The following GALNT5 variants were observed in gnomAD, a reference collection of about 807,000 sequenced individuals.
GALNT5 encodes polypeptide N-acetylgalactosaminyltransferase 5, also known as UDP-GalNAc:polypeptide N-acetylgalactosaminyltransferase 5.
In GALNT5, 72 loss-of-function variants were observed where a neutral mutation model predicts 85.4. The observed-to-expected ratio is 0.84, with a 90% confidence interval of 0.70 to 1.03. The LOEUF is 1.03. Among genes scored for constraint, GALNT5 ranks in the 50% least tolerant of loss-of-function variants. The pLI, the probability that GALNT5 is intolerant of heterozygous loss-of-function variation, is 0.00. For synonymous variants in GALNT5, 404 were observed against 397.0 expected, an observed-to-expected ratio of 1.02 and a Z score of -0.21; for missense variants, 1,137 against 1,135.5, an observed-to-expected ratio of 1.00 and a Z score of -0.02.
chr2:157,295,153 C>T (rs1683187397), intron 3 of GALNT5, among the ~76,000 whole-genome samples: 1 of 147,096 alleles, frequency 6.8e-6, no homozygotes, highest in African/African-American at 2.7e-5. Flanking sequence ...CAGTAACCTC[C>T]CATTCCCCAC....
intron 3 of GALNT5, among the ~76,000 whole-genome samples, chr2:157,290,460 G>A (rs1452307258): frequency 6.6e-6 from 1 of 152,108 alleles, no homozygotes; most frequent in Non-Finnish European, 1.5e-5. Context: ...GACTGGCATT[G>A]AGCAGAGATG....
In GALNT5 at chr2:157,313,672, A is replaced by G. The variant is rs773499646; in HGVS notation, c.*2324A>G. On this transcript the variant is annotated 3_prime_UTR_variant, in exon 10 of 10. Coordinates refer to ENST00000259056, the MANE Select transcript of GALNT5 (RefSeq NM_014568.3). ...CAAAGAAGTCAACTCTGTTCTGAAAAAAAATGAATTGCATTTTGAATACAC... is the reference window on the plus strand; with the variant it reads ...CAAAGAAGTCAACTCTGTTCTGAAAGAAAATGAATTGCATTTTGAATACAC... 6.6e-6 allele frequency: 1 copy of G among 152,196 alleles called. No individual in the cohort carries two copies. Among genetic ancestry groups the G allele is most frequent in the Non-Finnish European group, 1.5e-5 (1 of 68,034 alleles). The allele number at this position is 152,196 out of a possible 1,614,324, so 9.4% of individuals were successfully genotyped here. A position where few individuals can be genotyped will look rare whatever the true frequency, so the allele number is the denominator to read the frequency against.
intron 1 of GALNT5, among the ~76,000 whole-genome samples, chr2:157,282,652 AAAG>A (rs1204207591): frequency 6.6e-6 from 1 of 152,202 alleles, no homozygotes; most frequent in African/African-American, 2.4e-5. Flanking sequence ...ATTGAGGTTC[AAAG>A]AAGTAGTAAA....
rs1437257919 is a variant in GALNT5 at position 157,313,891 on chromosome 2, A to G, written c.*2543A>G. On this transcript the variant is annotated 3_prime_UTR_variant, in exon 10 of 10. Coordinates refer to ENST00000259056, the MANE Select transcript of GALNT5 (RefSeq NM_014568.3). ...CAAATTTGTTCTTGGATAGAATTTT[A>G]TACATTGCTTTTCATCATATATTTG... 1.3e-5 allele frequency: 2 copies of G among 152,320 alleles called. No individual in the cohort carries two copies. Among genetic ancestry groups the G allele is most frequent in the East Asian group, 1.9e-4 (1 of 5,182 alleles). The allele number at this position is 152,320 out of a possible 1,614,324, so 9.4% of individuals were successfully genotyped here.
Position 157,284,354 on chromosome 2 carries a change from G to T in GALNT5, c.1527G>T (p.Trp509Cys). ...TCATGTGCTTTGTGGATGAAGTGTG[G>T]TCCACTCTCCTGAGATCTGTTCACA... ...SVIMCFVDEV[W>C]STLLRSVHSV... The change falls in exon 2 of 10, where the codon TGG becomes TGT. Residue 509 changes from tryptophan (W) to cysteine (C), a missense_variant. Coordinates refer to ENST00000259056, the MANE Select transcript of GALNT5 (RefSeq NM_014568.3). 1 of 1,613,628 alleles carries T rather than the reference G, an allele frequency of 6.2e-7. No individual in the cohort carries two copies. The highest frequency in any genetic ancestry group is 8.5e-7 in the Non-Finnish European group (1 of 1,179,562).
chr2:157,276,628 T>C (rs1262131954), intron 1 of GALNT5, among the ~76,000 whole-genome samples: 1 of 152,216 alleles, frequency 6.6e-6, no homozygotes, highest in Non-Finnish European at 1.5e-5. Flanking sequence ...GTTTATAGTA[T>C]TCTCTGATGG....
At chr2:157,310,698 T>C (rs1405470156) in intron 9 of GALNT5, among the ~76,000 whole-genome samples, 1 of 152,220 alleles carries the variant, frequency 6.6e-6, no homozygotes, top group East Asian at 1.9e-4. Context: ...TGCTGTTGAC[T>C]TTTTCCTAAT....
rs549024131 is a variant in GALNT5, at chr2:157,315,829, C to T, written c.*4481C>T. Among the ~76,000 whole-genome samples, 303 of 152,228 alleles carry T rather than the reference C, an allele frequency of 2.0e-3. 1 individual carries two copies. The highest frequency in any genetic ancestry group is 3.3e-3 in the Non-Finnish European group (222 of 68,018). On this transcript the variant is annotated 3_prime_UTR_variant, in exon 10 of 10. Coordinates refer to ENST00000259056, the MANE Select transcript of GALNT5 (RefSeq NM_014568.3). ...AGAAAGAATTCAGGACACAGACACA[C>T]ATGAGGAGTGGGTTTAGGAGTGGAA... is the stretch of plus-strand genomic sequence containing the variant.
At position 157,259,230 on chromosome 2, in the gene GALNT5, A is replaced by C. The variant is rs139157095; in HGVS notation, c.1148A>C (p.His383Pro). Residue 383 changes from histidine (H) to proline (P), a missense_variant, in exon 1 of 10, where the codon CAT becomes CCT. Coordinates refer to ENST00000259056, the MANE Select transcript of GALNT5 (RefSeq NM_014568.3). ...AGAGTGCCACTGTCCCAAACTAACCATGCTTTAACTGGAGGGCTAGAGCCA... is the reference window on the plus strand; with the variant it reads ...AGAGTGCCACTGTCCCAAACTAACCCTGCTTTAACTGGAGGGCTAGAGCCA... ...PHRVPLSQTN[H>P]ALTGGLEPAK... 5 of 1,606,168 alleles carry C rather than the reference A, an allele frequency of 3.1e-6. No homozygotes were observed. The highest frequency in any genetic ancestry group is 4.2e-6 in the Non-Finnish European group (5 of 1,176,866).
At position 157,312,254 on chromosome 2, in the gene GALNT5, T is replaced by A. The variant is rs1683591514; in HGVS notation, c.*906T>A. ...AGCAGAAATAGAGCTGCTGAAAGTT[T>A]CTTTTATATAAAAATAATAAAATAC... On this transcript the variant is annotated 3_prime_UTR_variant, in exon 10 of 10. Coordinates refer to ENST00000259056, the MANE Select transcript of GALNT5 (RefSeq NM_014568.3). 1 of 152,152 alleles carries A rather than the reference T, an allele frequency of 6.6e-6. No individual in the cohort carries two copies. The highest frequency in any genetic ancestry group is 1.5e-5 in the Non-Finnish European group (1 of 68,006). The allele number at this position is 152,152 out of a possible 1,614,324, so 9.4% of individuals were successfully genotyped here.
chr2:157,274,602 T>C (rs1574016588), intron 1 of GALNT5, among the ~76,000 whole-genome samples: 1 of 152,258 alleles, frequency 6.6e-6, no homozygotes, highest in East Asian at 1.9e-4. Flanking sequence ...TTTCTTCATG[T>C]GTCTGTTGGC....
Position 157,305,745 on chromosome 2 carries a change from T to C in GALNT5, c.2440-4T>C, listed in dbSNP as rs375778764. ...TAATTCCTGTTTCGTATTTTGCTTT[T>C]TAGCTTATTAATGTGGCTTTGGGTA... On this transcript the variant is annotated splice_region_variant and splice_polypyrimidine_tract_variant and intron_variant, in intron 7 of 9. Coordinates refer to ENST00000259056, the MANE Select transcript of GALNT5 (RefSeq NM_014568.3). The C allele has an allele frequency of 8.2e-5, 129 of 1,569,186 alleles. No homozygotes were observed. The highest frequency in any genetic ancestry group is 1.1e-4 in the Non-Finnish European group (120 of 1,140,210).
intron 2 of GALNT5, among the ~76,000 whole-genome samples, chr2:157,285,729 C>T (rs748669541): frequency 1.5e-4 from 23 of 152,112 alleles, no homozygotes; most frequent in Middle Eastern, 3.2e-3. Context: ...GGCAAATCTG[C>T]CCCCACCTTG....
In GALNT5 at chr2:157,300,940, T is replaced by C. The variant is rs545084191; in HGVS notation, c.2380T>C (p.Trp794Arg). 6.2e-7 allele frequency: 1 copy of C among 1,614,152 alleles called. No individual in the cohort carries two copies. Among genetic ancestry groups the C allele is most frequent in the South Asian group, 1.1e-5 (1 of 91,080 alleles). Residue 794 changes from tryptophan to arginine, a missense_variant, in exon 7 of 10, where the codon TGG becomes CGG. Trp to Arg is a moderately radical substitution (Grantham distance 101). Coordinates refer to ENST00000259056, the MANE Select transcript of GALNT5 (RefSeq NM_014568.3). Reference protein sequence around the residue: ...RKKLKCKSFKWYLENVFPDLR... With the variant: ...RKKLKCKSFKRYLENVFPDLR... ...GAAACTGAAGTGCAAAAGTTTCAAA[T>C]GGTACTTGGAGAATGTCTTTCCTGA...
At chr2:157,284,176 GAT>G in intron 1 of GALNT5, 104 bp from the exon 2 acceptor site, 3 of 809,388 alleles carry the variant, frequency 3.7e-6, no homozygotes, top group Non-Finnish European at 6.4e-6. Context: ...ATCGATGACA[GAT>G]TAAGTGTGTG....
In GALNT5 at chr2:157,307,654, T is replaced by G. The variant is rs145816458; in HGVS notation, c.2521-913T>G. Among the ~76,000 whole-genome samples the G allele has an allele frequency of 1.5e-3, 226 of 152,286 alleles. 1 individual carries two copies. The highest frequency in any genetic ancestry group is 5.1e-3 in the African/African-American group (214 of 41,576). The stretch of plus-strand genomic sequence containing the variant: ...GTTGGTCCAAGGACCACCCTTCCAA[T>G]GGCAAGGTCCAACACAATGACTTTG... On this transcript the variant is annotated intron_variant, in intron 8 of 9. Coordinates refer to ENST00000259056, the MANE Select transcript of GALNT5 (RefSeq NM_014568.3).
intron 1 of GALNT5, among the ~76,000 whole-genome samples, chr2:157,273,275 T>C (rs1355530975): frequency 6.6e-6 from 1 of 152,220 alleles, no homozygotes; most frequent in East Asian, 1.9e-4. Context: ...GTCTAAAGTT[T>C]GTCCAGTTCC....
chr2:157,267,041 G>A (rs1390698448), intron 1 of GALNT5, among the ~76,000 whole-genome samples: 1 of 152,206 alleles, frequency 6.6e-6, no homozygotes, highest in Admixed American at 6.5e-5. Flanking sequence ...TCAGAGCATG[G>A]TCATTGACTT....
At chr2:157,278,668 C>T (rs11891485) in intron 1 of GALNT5, among the ~76,000 whole-genome samples, 27,151 of 152,004 alleles carry the variant, frequency 0.18, 5,524 homozygotes, top group African/African-American at 0.5. Flanking sequence ...CTCCATCAGG[C>T]CATTTCAGGT....
Sources: allele counts gnomAD v4.1 joint callset (sites outside exome capture counted in the v4.1 genomes callset), GRCh38; gene constraint gnomAD v4.1.1; transcripts MANE v1.5; gene names NCBI Gene and HGNC (gene_info 2026-07-23, HGNC 2026-07-21).